Variants in EXOC2 observed in about 807,000 individuals in gnomAD.
EXOC2 encodes SEC5-like 1.
EXOC2 carries 70 observed loss-of-function variants against 131.8 expected under a neutral mutation model. The ratio of observed to expected loss-of-function variants is 0.53; its 90% CI spans 0.44 to 0.65. The LOEUF is 0.65. EXOC2 is among the 30% of genes least tolerant of loss of function. EXOC2 has a pLI of 0.00. For missense variants in EXOC2, 923 were observed against 1,108.6 expected (o/e 0.83, Z 2.38); for synonymous variants, 411 against 398.4 (o/e 1.03, Z -0.38).
At chr6:578,575 A>G (rs1420647114) in intron 11 of EXOC2, among the ~76,000 whole-genome samples, 1 of 152,172 alleles carries the variant, frequency 6.6e-6, no homozygotes, top group Admixed American at 6.5e-5. Flanking sequence ...GATCCCCACA[A>G]ATTCTAGCTG....
intron 11 of EXOC2, 69 bp from the exon 12 acceptor site, chr6:576,951 T>A: frequency 6.9e-7 from 1 of 1,448,318 alleles, no homozygotes; most frequent in Non-Finnish European, 9.4e-7. Flanking sequence ...GTTGATTTAA[T>A]GGTCTGCTTC....
At chr6:685,772 T>G (rs1764615431) in intron 1 of EXOC2, among the ~76,000 whole-genome samples, 1 of 151,554 alleles carries the variant, frequency 6.6e-6, no homozygotes, top group African/African-American at 2.4e-5. Flanking sequence ...AGTTACGGCC[T>G]GATAAGGGCA....
chr6:621,223 C>A (rs1225398124), intron 4 of EXOC2, among the ~76,000 whole-genome samples: 1 of 152,218 alleles, frequency 6.6e-6, no homozygotes, highest in Non-Finnish European at 1.5e-5. Flanking sequence ...CTGTGTCTCA[C>A]AGCTGCAGGG....
intron 1 of EXOC2, among the ~76,000 whole-genome samples, chr6:684,817 C>A (rs981155752): frequency 6.6e-6 from 1 of 152,048 alleles, no homozygotes; most frequent in Non-Finnish European, 1.5e-5. Flanking sequence ...AGAAATGAAA[C>A]CACAACTGAA....
intron 27 of EXOC2, among the ~76,000 whole-genome samples, chr6:488,317 C>A (rs552057890): frequency 5.9e-5 from 9 of 152,190 alleles, no homozygotes; most frequent in Non-Finnish European, 1.3e-4. Flanking sequence ...CCGGCAGCCA[C>A]GTGCAGGGCG....
intron 4 of EXOC2, among the ~76,000 whole-genome samples, chr6:622,776 A>T (rs1288568255): frequency 6.6e-6 from 1 of 152,228 alleles, no homozygotes; most frequent in African/African-American, 2.4e-5. Context: ...GGTGGTACTG[A>T]TGGTACTGAA....
chr6:495,372 C>T (rs1298423345), intron 25 of EXOC2, among the ~76,000 whole-genome samples: 1 of 152,128 alleles, frequency 6.6e-6, no homozygotes, highest in Non-Finnish European at 1.5e-5. Context: ...GATCCGCCCG[C>T]CTCGGCCTCC....
rs1037229453 is a variant in EXOC2, at chr6:549,381, G to T, written c.2122-90C>A. On this transcript the variant is annotated intron_variant, in intron 21 of 27. Coordinates refer to ENST00000230449, the MANE Select transcript of EXOC2 (RefSeq NM_018303.6). ...CTTGTCAAGTTTAATTATAATCTCTGCTCTTTAACGTCAATATCCAATGCT... is the reference window on the plus strand; with the variant it reads ...CTTGTCAAGTTTAATTATAATCTCTTCTCTTTAACGTCAATATCCAATGCT... 3.3e-6 allele frequency: 3 copies of T among 906,126 alleles called. No homozygotes were observed. In the African/African-American group the frequency reaches 5.0e-5, roughly 15 times the overall value. The allele number at this position is 906,126 out of a possible 1,614,324, so 56.1% of individuals were successfully genotyped here.
chr6:613,770 T>C (rs1268058225), intron 6 of EXOC2, among the ~76,000 whole-genome samples: 1 of 152,156 alleles, frequency 6.6e-6, no homozygotes, highest in African/African-American at 2.4e-5. Context: ...TCAGGAGATA[T>C]ACCTAATGTT....
At chr6:647,326 AGAT>A (rs1762618859) in intron 1 of EXOC2, among the ~76,000 whole-genome samples, 1 of 151,858 alleles carries the variant, frequency 6.6e-6, no homozygotes. Flanking sequence ...GTTACTGAAA[AGAT>A]GATTAGTACA....
chr6:645,580 A>G (rs77746687), intron 1 of EXOC2, among the ~76,000 whole-genome samples: 1,395 of 107,796 alleles, frequency 0.013, 26 homozygotes, highest in African/African-American at 0.041. Flanking sequence ...CTGATAACAA[A>G]GGAAGCAACC....
chr6:634,617 T>C (rs2127710982), intron 2 of EXOC2, among the ~76,000 whole-genome samples: 1 of 152,350 alleles, frequency 6.6e-6, no homozygotes, highest in East Asian at 1.9e-4. Context: ...GCTTTAAAGA[T>C]ACATTGCTTG....
chr6:524,472 T>C (rs1765639584), intron 23 of EXOC2, among the ~76,000 whole-genome samples: 1 of 152,244 alleles, frequency 6.6e-6, no homozygotes. Flanking sequence ...TGCTTTGATC[T>C]GCTAAAAATA....
chr6:486,734 CTT>C lies in EXOC2; in HGVS notation c.2710_2711del (p.Lys904GlufsTer2), dbSNP rs1338437640. On this transcript the variant is annotated frameshift_variant, in exon 28 of 28. Coordinates refer to ENST00000230449, the MANE Select transcript of EXOC2 (RefSeq NM_018303.6). LOFTEE classifies it high-confidence loss of function. ...AGGTGAGCTGCAAGTGCATGCTACT[CTT>C]GAACTTGTTCAGGAGCTCTTCCAGT... is the stretch of plus-strand genomic sequence containing the variant. ...KLLEELLNKF[K>X]SSMHLQLTCF... 1 of 1,614,174 alleles carries C rather than the reference CTT, an allele frequency of 6.2e-7. No individual in the cohort carries two copies. Among genetic ancestry groups the C allele is most frequent in the Non-Finnish European group, 8.5e-7 (1 of 1,180,014 alleles).
At chr6:643,884 AAT>A (rs1762467549) in intron 1 of EXOC2, among the ~76,000 whole-genome samples, 4 of 152,152 alleles carry the variant, frequency 2.6e-5, no homozygotes, top group South Asian at 4.1e-4. Flanking sequence ...TTTAAATAGC[AAT>A]AAAGACAATG....
rs886972046 is a variant in EXOC2 at position 658,599 on chromosome 6, T to C, written c.-43-20738A>G. Among the ~76,000 whole-genome samples, 3 of 146,730 alleles carry C rather than the reference T, an allele frequency of 2.0e-5. No individual in the cohort carries two copies. The South Asian group carries it at 6.6e-4, about 32-fold the overall frequency. ...TTTTTAAATGAATGTATGAAATGTATAAATTTCAAGATAATTTCAGGATAT... is the reference window on the plus strand; with the variant it reads ...TTTTTAAATGAATGTATGAAATGTACAAATTTCAAGATAATTTCAGGATAT... On this transcript the variant is annotated intron_variant, in intron 1 of 27. Transcript: ENST00000230449.
intron 4 of EXOC2, among the ~76,000 whole-genome samples, chr6:622,581 C>T (rs2127686650): frequency 6.6e-6 from 1 of 152,306 alleles, no homozygotes; most frequent in Admixed American, 6.5e-5. Flanking sequence ...AAAATGCAGA[C>T]ACAAAACTCA....
Position 656,637 on chromosome 6 carries a change from T to A in EXOC2, c.-43-18776A>T, listed in dbSNP as rs772657334. Reference sequence around the variant, plus strand: ...GGAGGGGCGGCGCTTGTGGGTCAGCTGCAGCTTCAGGGAGGACGCGCCCGC... The same window carrying A: ...GGAGGGGCGGCGCTTGTGGGTCAGCAGCAGCTTCAGGGAGGACGCGCCCGC... On this transcript the variant is annotated intron_variant, in intron 1 of 27. Transcript: ENST00000230449. The A allele has an allele frequency of 3.3e-5, 53 of 1,606,672 alleles. No homozygotes were observed. The East Asian group carries it at 1.1e-3, about 34-fold the overall frequency.
intron 23 of EXOC2, among the ~76,000 whole-genome samples, chr6:521,544 T>C (rs1287968885): frequency 2.6e-5 from 4 of 152,024 alleles, no homozygotes; most frequent in South Asian, 2.1e-4. Flanking sequence ...TTTTTTTTTT[T>C]CCTGAGACAG....
Sources: gnomAD v4.1 joint callset for allele counts (sites outside exome capture counted in the v4.1 genomes callset) on GRCh38, gnomAD v4.1.1 for gene constraint, MANE v1.5 for transcripts, NCBI Gene and HGNC (gene_info 2026-07-23, HGNC 2026-07-21) for gene names.